TMEM17: variants seen among roughly 807,000 people sequenced by gnomAD.
TMEM17 encodes transmembrane protein 17.
In TMEM17, 15 loss-of-function variants were observed where a neutral mutation model predicts 19.1. The ratio of observed to expected loss-of-function variants is 0.78; its 90% CI spans 0.52 to 1.21. The LOEUF is 1.21. Ranked by LOEUF, TMEM17 falls within the 50% of genes most tolerant of loss-of-function variation. The pLI is 0.00. For missense variants in TMEM17, 245 were observed against 242.3 expected (o/e 1.01, Z -0.07); for synonymous variants, 103 against 86.9 (o/e 1.19, Z -1.03).
the TMEM17 span, among the ~76,000 whole-genome samples, chr2:62,458,334 G>A: frequency 2.6e-5 from 4 of 152,270 alleles, no homozygotes; most frequent in East Asian, 1.9e-4. Context: ...TATCTACAGC[G>A]CATGTCCTCA....
At chr2:62,483,398 A>T in the TMEM17 span, among the ~76,000 whole-genome samples, 1 of 152,160 alleles carries the variant, frequency 6.6e-6, no homozygotes, top group African/African-American at 2.4e-5. Flanking sequence ...CTCTGTAGGA[A>T]AAGGCAAGCA....
In TMEM17 at chr2:62,501,427, A is replaced by G; in HGVS notation, c.379T>C (p.Phe127Leu). 6.2e-7 allele frequency: 1 copy of G among 1,614,232 alleles called. No homozygotes were observed. The highest frequency in any genetic ancestry group is 8.5e-7 in the Non-Finnish European group (1 of 1,180,040). The stretch of plus-strand genomic sequence containing the variant: ...GTTAGGCCTTCATTAAAGAGCAAGA[A>G]AAGAATTAAAGGTAACTGCAATAGA... The part of the protein sequence containing the change: ...SLLLQLPLIL[F>L]LLFNEGLTNL... Residue 127 changes from phenylalanine (F) to leucine (L), a missense_variant, in exon 4 of 4, where the codon TTC (phenylalanine) becomes CTC (leucine). Physicochemically the swap from Phe to Leu is conservative, Grantham distance 22. Coordinates refer to ENST00000335390, the MANE Select transcript of TMEM17 (RefSeq NM_198276.3).
intron 1 of TMEM17, among the ~76,000 whole-genome samples, chr2:62,503,144 T>C (rs1679976369): frequency 6.6e-6 from 1 of 152,210 alleles, no homozygotes; most frequent in Non-Finnish European, 1.5e-5. Flanking sequence ...TCTATGTAAA[T>C]AGCATATAAA....
chr2:62,461,745 C>T, the TMEM17 span, among the ~76,000 whole-genome samples: 1 of 152,176 alleles, frequency 6.6e-6, no homozygotes, highest in East Asian at 1.9e-4. Flanking sequence ...TTAGCTGTCC[C>T]GGTGATTCAG....
At chr2:62,489,074 A>G in the TMEM17 span, among the ~76,000 whole-genome samples, 1 of 152,184 alleles carries the variant, frequency 6.6e-6, no homozygotes, top group Non-Finnish European at 1.5e-5. Context: ...AAAATGGTAA[A>G]TGTATCCTGG....
At chr2:62,464,265 T>G in the TMEM17 span, among the ~76,000 whole-genome samples, 1 of 152,232 alleles carries the variant, frequency 6.6e-6, no homozygotes, top group Non-Finnish European at 1.5e-5. Context: ...AAAAGAGCAC[T>G]GTAACACGCC....
the TMEM17 span, among the ~76,000 whole-genome samples, chr2:62,470,365 C>T: frequency 2.0e-5 from 3 of 152,228 alleles, no homozygotes; most frequent in African/African-American, 2.4e-5. Context: ...ATCTGAATCC[C>T]GAAATCTACA....
At chr2:62,490,908 C>G in the TMEM17 span, among the ~76,000 whole-genome samples, 9 of 151,840 alleles carry the variant, frequency 5.9e-5, no homozygotes, top group Non-Finnish European at 1.2e-4. Context: ...GAGACCCTGT[C>G]TCTACTAAAA....
chr2:62,464,961 T>C, the TMEM17 span, among the ~76,000 whole-genome samples: 2 of 152,210 alleles, frequency 1.3e-5, no homozygotes, highest in African/African-American at 2.4e-5. Flanking sequence ...ACAATAGATA[T>C]GTTATCCCTA....
the TMEM17 span, among the ~76,000 whole-genome samples, chr2:62,492,466 C>T: frequency 6.6e-6 from 1 of 152,164 alleles, no homozygotes; most frequent in Non-Finnish European, 1.5e-5. Flanking sequence ...GAGCATTTAT[C>T]TTAACGTAAA....
At chr2:62,492,653 G>C in the TMEM17 span, among the ~76,000 whole-genome samples, 56 of 152,330 alleles carry the variant, frequency 3.7e-4, no homozygotes, top group African/African-American at 1.3e-3. Flanking sequence ...TGTGCATTCA[G>C]TCAACATTAC....
the TMEM17 span, chr2:62,463,243 A>C: frequency 6.6e-6 from 1 of 152,196 alleles, no homozygotes; most frequent in African/African-American, 2.4e-5. Flanking sequence ...TCCCCACCGC[A>C]AGAGTAAAGG....
chr2:62,478,196 T>A, the TMEM17 span, among the ~76,000 whole-genome samples: 1 of 152,184 alleles, frequency 6.6e-6, no homozygotes, highest in Non-Finnish European at 1.5e-5. Flanking sequence ...AAAGAGCCAA[T>A]GAGTCTCCCT....
chr2:62,458,323 C>T, the TMEM17 span, among the ~76,000 whole-genome samples: 7 of 152,226 alleles, frequency 4.6e-5, no homozygotes, highest in Non-Finnish European at 1.0e-4. Context: ...GCTGACAGAC[C>T]TATCTACAGC....
the TMEM17 span, among the ~76,000 whole-genome samples, chr2:62,475,860 A>C: frequency 7.9e-5 from 12 of 152,376 alleles, 1 homozygote; most frequent in South Asian, 2.5e-3. Context: ...GCTGCTGAAC[A>C]GCAGAGAACA....
chr2:62,465,445 A>G, the TMEM17 span, among the ~76,000 whole-genome samples: 6 of 152,194 alleles, frequency 3.9e-5, no homozygotes, highest in Admixed American at 3.9e-4. Flanking sequence ...ACTTTTCTGT[A>G]AGTCTAAAAC....
In TMEM17 at chr2:62,501,276, T is replaced by C. The variant is rs201737389; in HGVS notation, c.530A>G (p.Asp177Gly). 1.4e-4 allele frequency: 231 copies of C among 1,614,218 alleles called. No individual in the cohort carries two copies. The East Asian group carries it at 5.1e-3, about 36-fold the overall frequency. The change falls in exon 4 of 4, where the codon GAC becomes GGC. Residue 177 changes from aspartate (D) to glycine (G), a missense_variant. Coordinates refer to ENST00000335390, the MANE Select transcript of TMEM17 (RefSeq NM_198276.3). Reference sequence around the variant, plus strand: ...TCTGTTTGCAGAGAGCCGGTCAAAGTCTTGGAGGTGGAAACGAACTGCCAA... The same window carrying C: ...TCTGTTTGCAGAGAGCCGGTCAAAGCCTTGGAGGTGGAAACGAACTGCCAA... ...NQLAVRFHLQ[D>G]FDRLSANRGD...
At chr2:62,495,192 C>T in the TMEM17 span, among the ~76,000 whole-genome samples, 17 of 152,104 alleles carry the variant, frequency 1.1e-4, no homozygotes, top group Admixed American at 8.5e-4. Flanking sequence ...AGATAAATTT[C>T]CAAATGTCTT....
At chr2:62,470,882 A>G in the TMEM17 span, among the ~76,000 whole-genome samples, 17 of 152,324 alleles carry the variant, frequency 1.1e-4, no homozygotes, top group African/African-American at 4.1e-4. Context: ...TCCAGTTCCA[A>G]GGGCTGCTTA....
Sources: allele counts gnomAD v4.1 joint callset (sites outside exome capture counted in the v4.1 genomes callset), GRCh38; gene constraint gnomAD v4.1.1; transcripts MANE v1.5; gene names NCBI Gene and HGNC (gene_info 2026-07-23, HGNC 2026-07-21).